Variants in TEX11 observed in about 807,000 individuals in gnomAD.
The protein encoded by TEX11 is testis-expressed protein 11.
TEX11 carries 7 observed loss-of-function variants against 84.4 expected under a neutral mutation model. That is an observed-to-expected ratio of 0.08 (90% CI 0.05 to 0.16). TEX11 has a LOEUF of 0.16. Ranked by LOEUF, TEX11 falls within the 10% of genes least tolerant of loss-of-function variation. The pLI is 1.00. For synonymous variants in TEX11, 264 were observed against 222.8 expected, an observed-to-expected ratio of 1.18 and a Z score of -1.64; for missense variants, 551 against 660.5, an observed-to-expected ratio of 0.83 and a Z score of 1.82.
intron 25 of TEX11, among the ~76,000 whole-genome samples, chrX:70,567,911 T>C (rs2088516846): frequency 8.9e-6 from 1 of 111,772 alleles, no homozygotes; most frequent in Non-Finnish European, 1.9e-5. Flanking sequence ...TCTGTAGATG[T>C]CTATTAGGTC....
intron 12 of TEX11, among the ~76,000 whole-genome samples, chrX:70,723,738 G>A (rs1179658614): frequency 9.0e-6 from 1 of 111,530 alleles, no homozygotes; most frequent in Non-Finnish European, 1.9e-5. Context: ...ATTATTATGT[G>A]CTATCCTTTC....
rs751929128 is a variant in TEX11 at position 70,906,017 on chromosome X, C to T, written c.37+1736G>A. Among the ~76,000 whole-genome samples, 8 of 79,820 alleles carry T rather than the reference C, an allele frequency of 1.0e-4. No homozygotes were observed. In the South Asian group the frequency reaches 6.2e-3, roughly 62 times the overall value. The allele number at this position is 79,820 out of a possible 115,157, so 69.3% of individuals were successfully genotyped here. On this transcript the variant is annotated intron_variant, in intron 2 of 29. Transcript: ENST00000374333. ...GCAGTGAGCCGAGGTCACACCATTG[C>T]ACTCCAGCTTGGGCAACAAGAGCAA...
chrX:70,654,872 T>C (rs963600073), intron 16 of TEX11, among the ~76,000 whole-genome samples: 7 of 110,385 alleles, frequency 6.3e-5, no homozygotes, highest in Non-Finnish European at 1.3e-4. Context: ...TAACTACATG[T>C]TTTTTAGAAG....
At chrX:70,865,369 T>C (rs1399990012) in intron 4 of TEX11, among the ~76,000 whole-genome samples, 2 of 111,613 alleles carry the variant, frequency 1.8e-5, no homozygotes, top group Admixed American at 9.6e-5. Flanking sequence ...ATGCACCCAA[T>C]ACAGGGGCAC....
intron 8 of TEX11, among the ~76,000 whole-genome samples, chrX:70,809,821 C>T (rs2091241588): frequency 4.5e-5 from 5 of 110,636 alleles, no homozygotes; most frequent in African/African-American, 9.9e-5. Context: ...CTCAGCCACC[C>T]GAATAGCCAA....
intron 14 of TEX11, among the ~76,000 whole-genome samples, chrX:70,680,445 G>A (rs753653039): frequency 4.3e-4 from 36 of 83,227 alleles, no homozygotes; most frequent in East Asian, 3.9e-3. Flanking sequence ...CAAACACTGC[G>A]GAAGGCCGCA....
intron 3 of TEX11, among the ~76,000 whole-genome samples, chrX:70,873,672 A>G (rs2091640753): frequency 1.8e-5 from 2 of 112,085 alleles, no homozygotes; most frequent in Non-Finnish European, 3.8e-5. Context: ...TTGAATTCAT[A>G]TATTCATTAA....
intron 13 of TEX11, among the ~76,000 whole-genome samples, chrX:70,684,760 A>T (rs1460187339): frequency 8.9e-6 from 1 of 112,362 alleles, no homozygotes; most frequent in East Asian, 2.8e-4. Flanking sequence ...GGAAATCCCT[A>T]TCTTAAGTCC....
chrX:70,793,390 A>G lies in TEX11; in HGVS notation c.692+13315T>C, dbSNP rs1310095408. 4.5e-5 allele frequency among the ~76,000 whole-genome samples: 5 copies of G among 111,814 alleles called. No individual in the cohort carries two copies. In the Admixed American group the frequency reaches 4.7e-4, roughly 11 times the overall value. On this transcript the variant is annotated intron_variant, in intron 9 of 29. Coordinates refer to ENST00000374333, the MANE Select transcript of TEX11 (RefSeq NM_031276.3). ...GTTGACTTGTAATCTCCAGTGTTGGAGATAGGGCCTGCTGGAAGATGTTTG... is the reference window on the plus strand; with the variant it reads ...GTTGACTTGTAATCTCCAGTGTTGGGGATAGGGCCTGCTGGAAGATGTTTG...
At chrX:70,671,832 C>T (rs1350805913) in intron 15 of TEX11, among the ~76,000 whole-genome samples, 2 of 100,536 alleles carry the variant, frequency 2.0e-5, no homozygotes, top group Non-Finnish European at 4.0e-5. Context: ...TATTGAGGTA[C>T]AATTGACATA....
intron 20 of TEX11, among the ~76,000 whole-genome samples, chrX:70,617,987 T>C (rs1057219724): frequency 2.7e-5 from 3 of 112,257 alleles, no homozygotes; most frequent in African/African-American, 9.7e-5. Flanking sequence ...AATTTATGCA[T>C]GGCAGTTCCA....
chrX:70,846,112 TC>T (rs1447178853), intron 7 of TEX11: 1 of 111,392 alleles, frequency 9.0e-6, no homozygotes, highest in Non-Finnish European at 1.9e-5. Flanking sequence ...CTTCCCAGTC[TC>T]CCAAAGGAAG....
At chrX:70,739,346 A>G (rs1037715867) in intron 11 of TEX11, among the ~76,000 whole-genome samples, 3 of 109,816 alleles carry the variant, frequency 2.7e-5, no homozygotes, top group African/African-American at 9.9e-5. Flanking sequence ...GTGTATCAGT[A>G]TATTTAATTG....
intron 9 of TEX11, among the ~76,000 whole-genome samples, chrX:70,755,080 T>C (rs1037470889): frequency 5.4e-5 from 6 of 111,690 alleles, no homozygotes; most frequent in African/African-American, 2.0e-4. Context: ...CTGAAGAACA[T>C]CTACAAGTAT....
At chrX:70,730,163 A>G (rs1233728620) in intron 11 of TEX11, among the ~76,000 whole-genome samples, 1 of 112,134 alleles carries the variant, frequency 8.9e-6, no homozygotes, top group African/African-American at 3.2e-5. Flanking sequence ...AAGAAGCACT[A>G]AACATGGAAA....
chrX:70,723,722 T>G (rs1469345371), intron 12 of TEX11, among the ~76,000 whole-genome samples: 2 of 111,684 alleles, frequency 1.8e-5, no homozygotes, highest in Non-Finnish European at 3.8e-5. Context: ...TCCAAAAATG[T>G]CTTAAATTAT....
intron 3 of TEX11, among the ~76,000 whole-genome samples, chrX:70,876,851 G>A (rs1026243148): frequency 5.4e-5 from 6 of 111,386 alleles, no homozygotes; most frequent in African/African-American, 9.8e-5. Flanking sequence ...CTAGGAGGTC[G>A]AGGATGCAGT....
intron 28 of TEX11, among the ~76,000 whole-genome samples, chrX:70,536,887 G>T: frequency 9.0e-6 from 1 of 111,605 alleles, no homozygotes; most frequent in African/African-American, 3.3e-5. Context: ...TGAATTTAGG[G>T]AAACTGACTT....
At chrX:70,841,738 A>G (rs770898055) in intron 7 of TEX11, among the ~76,000 whole-genome samples, 47 of 112,048 alleles carry the variant, frequency 4.2e-4, no homozygotes, top group South Asian at 7.4e-4. Flanking sequence ...CGCTAGCAAG[A>G]CTAATAAAGA....
Sources: gnomAD v4.1 joint callset for allele counts (sites outside exome capture counted in the v4.1 genomes callset) on GRCh38, gnomAD v4.1.1 for gene constraint, MANE v1.5 for transcripts, NCBI Gene and HGNC (gene_info 2026-07-23, HGNC 2026-07-21) for gene names.